Variants in ZNF276 observed in about 807,000 individuals in gnomAD.
ZNF276 encodes the protein zinc finger protein 276.
Under a neutral mutation model 63.9 loss-of-function variants are expected in ZNF276, and 59 were observed. That is an observed-to-expected ratio of 0.92 (90% CI 0.75 to 1.15). ZNF276 has a LOEUF of 1.15. Ranked by LOEUF, ZNF276 falls within the 50% of genes most tolerant of loss-of-function variation. ZNF276 has a pLI of 0.00. For missense variants in ZNF276, 1,084 were observed against 843.8 expected, an observed-to-expected ratio of 1.28 and a Z score of -3.53; for synonymous variants, 496 against 348.4, an observed-to-expected ratio of 1.42 and a Z score of -4.72.
At chr16:89,727,006 C>T (rs181657185) in intron 4 of ZNF276, among the ~76,000 whole-genome samples, 47 of 152,288 alleles carry the variant, frequency 3.1e-4, no homozygotes, top group Non-Finnish European at 4.9e-4. Context: ...AGGACTGGAT[C>T]GGAGTCAGTG....
chr16:89,723,017 G>T, intron 2 of ZNF276, 120 bp from the exon 3 acceptor site: 2 of 1,598,630 alleles, frequency 1.3e-6, no homozygotes, highest in Non-Finnish European at 1.7e-6. Context: ...GCTGGGGTGA[G>T]GGAAGAGAAA....
chr16:89,738,680 G>A lies in ZNF276; in HGVS notation c.*434G>A, dbSNP rs2062030973. The stretch of plus-strand genomic sequence containing the variant: ...GCTCTGGAGGGCGGCGCTCACCTCT[G>A]GGTCGCAGTCCCCACGATCAGCCAG... On this transcript the variant is annotated 3_prime_UTR_variant, in exon 11 of 11. Transcript: ENST00000443381. 1.2e-6 allele frequency: 2 copies of A among 1,613,790 alleles called. No individual in the cohort carries two copies. Among genetic ancestry groups the A allele is most frequent in the Non-Finnish European group, 1.7e-6 (2 of 1,180,022 alleles).
Position 89,722,401 on chromosome 16 carries a change from G to A in ZNF276, c.206-130G>A. On this transcript the variant is annotated intron_variant, in intron 1 of 10. Transcript: ENST00000443381. ...TTGTCCCGCCGAGAGCCGCGCGCCCGAGCCGCTTGCTGTGTCCGGGAGCCG... is the reference window on the plus strand; with the variant it reads ...TTGTCCCGCCGAGAGCCGCGCGCCCAAGCCGCTTGCTGTGTCCGGGAGCCG... The A allele has an allele frequency of 5.6e-6, 6 of 1,067,440 alleles. No homozygotes were observed. In the East Asian group the frequency reaches 7.6e-5, roughly 14 times the overall value. The allele number at this position is 1,067,440 out of a possible 1,614,324, so 66.1% of individuals were successfully genotyped here. A position where few individuals can be genotyped will look rare whatever the true frequency, so the allele number is the denominator to read the frequency against.
Position 89,739,689 on chromosome 16 carries a change from T to C in ZNF276, c.*1443T>C. 2 of 1,516,280 alleles carry C rather than the reference T, an allele frequency of 1.3e-6. No homozygotes were observed. Among genetic ancestry groups the C allele is most frequent in the African/African-American group, 1.4e-5 (1 of 72,534 alleles). The allele number at this position is 1,516,280 out of a possible 1,614,324, so 93.9% of individuals were successfully genotyped here. On this transcript the variant is annotated 3_prime_UTR_variant, in exon 11 of 11. Transcript: ENST00000443381. ...ATAGTGTGGGGCGAACAGCCTGAGC[T>C]GAGGATACCCAGGTACCTGTCAGCA...
At chr16:89,731,884 G>A (rs549507934) in intron 6 of ZNF276, 6 of 152,240 alleles carry the variant, frequency 3.9e-5, no homozygotes, top group African/African-American at 7.2e-5. Context: ...TACGTAGAAG[G>A]TCGTGTCATT....
Position 89,739,975 on chromosome 16 carries a change from T to C in ZNF276, c.*1729T>C. 6.2e-7 allele frequency: 1 copy of C among 1,613,386 alleles called. No individual in the cohort carries two copies. The highest frequency in any genetic ancestry group is 8.5e-7 in the Non-Finnish European group (1 of 1,179,312). ...AAGAGCGGCCCTCCGCATTTGTGCCTCAGCAGCGTGTTTCTTACCACTCTC... is the reference window on the plus strand; with the variant it reads ...AAGAGCGGCCCTCCGCATTTGTGCCCCAGCAGCGTGTTTCTTACCACTCTC... On this transcript the variant is annotated 3_prime_UTR_variant, in exon 11 of 11. Transcript: ENST00000443381.
chr16:89,739,500 G>T lies in ZNF276; in HGVS notation c.*1254G>T. The stretch of plus-strand genomic sequence containing the variant: ...TACCTGTAAAAAGCGAAAGGCAGCA[G>T]CCTGGTGTGCTGATCCGGGGCCACA... On this transcript the variant is annotated 3_prime_UTR_variant, in exon 11 of 11. Transcript: ENST00000443381. 1 of 1,551,362 alleles carries T rather than the reference G, an allele frequency of 6.4e-7. No homozygotes were observed.
Position 89,721,783 on chromosome 16 carries a change from G to C in ZNF276, c.143G>C (p.Arg48Pro). Residue 48 changes from arginine to proline, a missense_variant, in exon 1 of 11, where the codon CGG becomes CCG. Transcript: ENST00000443381. ...GGPRVDGATA[R>P]RAWGPVGSCG... ...CCGAGGGTGGACGGGGCGACGGCGC[G>C]GCGCGCCTGGGGCCCGGTGGGGTCC... 1 of 1,261,060 alleles carries C rather than the reference G, an allele frequency of 7.9e-7. No individual in the cohort carries two copies. Among genetic ancestry groups the C allele is most frequent in the Non-Finnish European group, 1.0e-6 (1 of 1,004,012 alleles). 78.1% of individuals were successfully genotyped at this position (1,261,060 alleles called of 1,614,324 possible).
chr16:89,735,871 C>T (rs1191475847), intron 9 of ZNF276, among the ~76,000 whole-genome samples: 4 of 146,516 alleles, frequency 2.7e-5, no homozygotes, highest in Non-Finnish European at 5.9e-5. Flanking sequence ...TCTGCCACCA[C>T]GCCGGGGGTG....
chr16:89,740,240 A>G lies in ZNF276; in HGVS notation c.*1994A>G. On this transcript the variant is annotated 3_prime_UTR_variant, in exon 11 of 11. Coordinates refer to ENST00000443381, the MANE Select transcript of ZNF276 (RefSeq NM_001113525.2). Reference sequence around the variant, plus strand: ...AAACTGGTGACAGTTTTACCTATAGAAGGTAATACTGGGCCTCTGGACAGA... The same window carrying G: ...AAACTGGTGACAGTTTTACCTATAGGAGGTAATACTGGGCCTCTGGACAGA... 1.3e-6 allele frequency: 1 copy of G among 773,582 alleles called. No individual in the cohort carries two copies. The highest frequency in any genetic ancestry group is 2.5e-5 in the East Asian group (1 of 40,074). The allele number at this position is 773,582 out of a possible 1,614,324, so 47.9% of individuals were successfully genotyped here.
intron 1 of ZNF276, 90 bp downstream of exon 1, chr16:89,721,935 C>G (rs2061296030): frequency 1.1e-6 from 1 of 922,242 alleles, no homozygotes; most frequent in Admixed American, 4.6e-5. Flanking sequence ...GCCGGCGCGG[C>G]CTCTCCTCCA....
chr16:89,740,021 G>A lies in ZNF276; in HGVS notation c.*1775G>A, dbSNP rs2151714673. 1 of 1,614,178 alleles carries A rather than the reference G, an allele frequency of 6.2e-7. No homozygotes were observed. The highest frequency in any genetic ancestry group is 1.7e-5 in the Admixed American group (1 of 60,022). ...CTCTCTGTCAACTGAAAGAGTGCCAGCCAGGATATCTTCCTCTTCTCTAAA... is the reference window on the plus strand; with the variant it reads ...CTCTCTGTCAACTGAAAGAGTGCCAACCAGGATATCTTCCTCTTCTCTAAA... On this transcript the variant is annotated 3_prime_UTR_variant, in exon 11 of 11. Coordinates refer to ENST00000443381, the MANE Select transcript of ZNF276 (RefSeq NM_001113525.2).
chr16:89,738,072 C>G lies in ZNF276; in HGVS notation c.1671C>G (p.Asp557Glu), dbSNP rs747684842. 3 of 1,614,104 alleles carry G rather than the reference C, an allele frequency of 1.9e-6. No homozygotes were observed. The highest frequency in any genetic ancestry group is 2.5e-6 in the Non-Finnish European group (3 of 1,180,042). Reference sequence around the variant, plus strand: ...AGACTGAGCTGGACTTTGCCTGTGACCAGTGTGGCCGGCGGTTTGAGAAGG... The same window carrying G: ...AGACTGAGCTGGACTTTGCCTGTGAGCAGTGTGGCCGGCGGTTTGAGAAGG... ...KAETELDFAC[D>E]QCGRRFEKAH... The change falls in exon 11 of 11, where the codon GAC (aspartate) becomes GAG (glutamate). Residue 557 changes from aspartate to glutamate, a missense_variant. Coordinates refer to ENST00000443381, the MANE Select transcript of ZNF276 (RefSeq NM_001113525.2).
intron 9 of ZNF276, among the ~76,000 whole-genome samples, chr16:89,735,712 CTT>C (rs911417070): frequency 6.6e-6 from 1 of 151,398 alleles, no homozygotes; most frequent in African/African-American, 2.4e-5. Context: ...TTACCAAAAA[CTT>C]TTTTTTTAAT....
intron 4 of ZNF276, among the ~76,000 whole-genome samples, chr16:89,726,502 T>C (rs2061475211): frequency 6.6e-6 from 1 of 152,126 alleles, no homozygotes; most frequent in Admixed American, 6.5e-5. Context: ...AGCTCAATTT[T>C]TTGTATTTTT....
At chr16:89,730,044 C>T (rs1176791620) in intron 6 of ZNF276, among the ~76,000 whole-genome samples, 1 of 152,162 alleles carries the variant, frequency 6.6e-6, no homozygotes, top group Non-Finnish European at 1.5e-5. Flanking sequence ...TGGCTCTGAG[C>T]ACCACCGTCA....
At position 89,733,399 on chromosome 16, in the gene ZNF276, C is replaced by G; in HGVS notation, c.1267C>G (p.Leu423Val). 1 of 1,614,176 alleles carries G rather than the reference C, an allele frequency of 6.2e-7. No individual in the cohort carries two copies. The highest frequency in any genetic ancestry group is 8.5e-7 in the Non-Finnish European group (1 of 1,180,048). Residue 423 changes from leucine to valine, a missense_variant, in exon 7 of 11, where the codon CTT (leucine) becomes GTT (valine). Coordinates refer to ENST00000443381, the MANE Select transcript of ZNF276 (RefSeq NM_001113525.2). ...ACCCAAGCCCGGATGGAAGAAGAAG[C>G]TTCGTTGTGAGAGGTGATGCCTGCA... Reference protein sequence around the residue: ...PGPKPGWKKKLRCEREELPTI... With the variant: ...PGPKPGWKKKVRCEREELPTI...
intron 4 of ZNF276, among the ~76,000 whole-genome samples, chr16:89,724,797 C>T (rs144809411): frequency 0.011 from 1,592 of 151,234 alleles, 15 homozygotes; most frequent in Middle Eastern, 0.062. Flanking sequence ...GTGTTGAGAA[C>T]AATTCTATCT....
chr16:89,733,359 TC>T lies in ZNF276; in HGVS notation c.1228del (p.Arg410GlyfsTer42). 1 of 1,614,038 alleles carries T rather than the reference TC, an allele frequency of 6.2e-7. No individual in the cohort carries two copies. The highest frequency in any genetic ancestry group is 8.5e-7 in the Non-Finnish European group (1 of 1,180,022). Reference protein sequence around the residue: ...EAKKSEEPRIRKKPGPKPGWK... With the variant: ...EAKKSEEPRIXKKPGPKPGWK... ...CCAAGAAGTCTGAAGAACCAAGAATTCGGAAGAAGCCGGGACCCAAGCCCGG... is the reference window on the plus strand; with the variant it reads ...CCAAGAAGTCTGAAGAACCAAGAATTGGAAGAAGCCGGGACCCAAGCCCGG... On this transcript the variant is annotated frameshift_variant, in exon 7 of 11. Coordinates refer to ENST00000443381, the MANE Select transcript of ZNF276 (RefSeq NM_001113525.2). LOFTEE classifies it high-confidence loss of function.
Sources: allele counts gnomAD v4.1 joint callset (sites outside exome capture counted in the v4.1 genomes callset), GRCh38; gene constraint gnomAD v4.1.1; transcripts MANE v1.5; gene names NCBI Gene and HGNC (gene_info 2026-07-23, HGNC 2026-07-21).